GTF3C1: variants seen among roughly 807,000 people sequenced by gnomAD.
GTF3C1 encodes general transcription factor 3C polypeptide 1.
In GTF3C1, 57 loss-of-function variants were observed where a neutral mutation model predicts 226.7. The observed-to-expected ratio is 0.25, with a 90% confidence interval of 0.20 to 0.31. The LOEUF (loss-of-function observed/expected upper bound fraction) is 0.31. Ranked by LOEUF, GTF3C1 falls within the 10% of genes least tolerant of loss-of-function variation. GTF3C1 has a pLI of 1.00. For missense variants in GTF3C1, 2,217 were observed against 2,776.1 expected (o/e 0.80, Z 4.53); for synonymous variants, 1,090 against 1,084.8 (o/e 1.00, Z -0.09).
At chr16:27,504,696 A>C (rs940715698) in intron 10 of GTF3C1, among the ~76,000 whole-genome samples, 2 of 151,936 alleles carry the variant, frequency 1.3e-5, no homozygotes, top group African/African-American at 4.8e-5. Context: ...CGGGAGGATC[A>C]CTTGAGCCCA....
At chr16:27,525,985 G>A (rs1567410301) in intron 6 of GTF3C1, among the ~76,000 whole-genome samples, 1 of 152,084 alleles carries the variant, frequency 6.6e-6, no homozygotes. Context: ...ATTCAGGGAG[G>A]CATTAAAATG....
chr16:27,539,750 T>C (rs576740699), intron 2 of GTF3C1, among the ~76,000 whole-genome samples: 1 of 152,352 alleles, frequency 6.6e-6, no homozygotes, highest in South Asian at 2.1e-4. Flanking sequence ...TTCTGCCCTC[T>C]TGAATACATT....
chr16:27,462,236 G>T lies in GTF3C1; in HGVS notation c.6117+58C>A. 8.0e-7 allele frequency: 1 copy of T among 1,245,544 alleles called. No individual in the cohort carries two copies. Among genetic ancestry groups the T allele is most frequent in the Non-Finnish European group, 1.1e-6 (1 of 888,210 alleles). 77.2% of individuals were successfully genotyped at this position (1,245,544 alleles called of 1,614,324 possible). A position where few individuals can be genotyped will look rare whatever the true frequency, so the allele number is the denominator to read the frequency against. On this transcript the variant is annotated intron_variant, in intron 36 of 36. Coordinates refer to ENST00000356183, the MANE Select transcript of GTF3C1 (RefSeq NM_001520.4). The surrounding 1 kb of genome is among the most constrained non-coding windows in gnomAD (Gnocchi z 4.5). ...GCCTGGGGCCTGAACATCACAGCCG[G>T]GCCACTGAGTGCACCCAGCCGCCTC... is the stretch of plus-strand genomic sequence containing the variant.
intron 33 of GTF3C1, 58 bp from the exon 34 acceptor site, chr16:27,464,894 G>C: frequency 1.5e-6 from 2 of 1,375,160 alleles, no homozygotes; most frequent in Non-Finnish European, 1.9e-6. Flanking sequence ...CCACGCTGGT[G>C]ACGGGGGACG....
At chr16:27,508,050 C>A (rs918590764) in intron 8 of GTF3C1, among the ~76,000 whole-genome samples, 1 of 152,264 alleles carries the variant, frequency 6.6e-6, no homozygotes, top group Non-Finnish European at 1.5e-5. Context: ...ACTCTTGTTG[C>A]CCAGGTTGGA....
intron 17 of GTF3C1, 72 bp downstream of exon 17, chr16:27,493,127 G>T: frequency 1.2e-6 from 1 of 800,134 alleles, no homozygotes; most frequent in Non-Finnish European, 2.2e-6. Flanking sequence ...CCTGGTGAAT[G>T]ATGGCTTAGA....
intron 4 of GTF3C1, among the ~76,000 whole-genome samples, chr16:27,535,432 A>T (rs2088986004): frequency 6.6e-6 from 1 of 152,070 alleles, no homozygotes; most frequent in Admixed American, 6.6e-5. Flanking sequence ...AAAATTAGCC[A>T]GGTGTGGTGG....
At chr16:27,515,726 C>T (rs1157569114) in intron 6 of GTF3C1, among the ~76,000 whole-genome samples, 1 of 152,198 alleles carries the variant, frequency 6.6e-6, no homozygotes, top group Admixed American at 6.5e-5. Flanking sequence ...TCTTTGTTTT[C>T]CGATCTGCAA....
chr16:27,462,453 C>A lies in GTF3C1; in HGVS notation c.5958G>T (p.Pro1986=). ...TCAGGTGGCCATCCACGACACGCCA[C>A]GGCCGGCCGATGAAGCAGACACTCT... ...DCESVCFIGR[P]WRVVDGHLNL... is the part of the protein sequence containing the mutation. Residue 1986 remains proline, a synonymous_variant, in exon 36 of 37, where the codon CCG becomes CCT. Coordinates refer to ENST00000356183, the MANE Select transcript of GTF3C1 (RefSeq NM_001520.4). The surrounding 1 kb of genome is among the most constrained non-coding windows in gnomAD (Gnocchi z 4.5). The A allele has an allele frequency of 6.2e-7, 1 of 1,613,654 alleles. No individual in the cohort carries two copies. Among genetic ancestry groups the A allele is most frequent in the Non-Finnish European group, 8.5e-7 (1 of 1,179,774 alleles).
At chr16:27,498,111 C>A (rs1567398868) in intron 13 of GTF3C1, among the ~76,000 whole-genome samples, 1 of 152,184 alleles carries the variant, frequency 6.6e-6, no homozygotes, top group Non-Finnish European at 1.5e-5. Flanking sequence ...CGCTAGAAGT[C>A]AGTAATTATA....
intron 20 of GTF3C1, among the ~76,000 whole-genome samples, 177 bp from the exon 21 acceptor site, chr16:27,489,355 G>T (rs2088197346): frequency 6.6e-6 from 1 of 152,216 alleles, no homozygotes; most frequent in Non-Finnish European, 1.5e-5. Flanking sequence ...TTTCACTTTT[G>T]CAAGATAAGT....
At position 27,495,580 on chromosome 16, in the gene GTF3C1, T is replaced by C. The variant is rs915483295; in HGVS notation, c.2351-88A>G. The C allele has an allele frequency of 2.4e-6, 3 of 1,241,150 alleles. No individual in the cohort carries two copies. The Admixed American group carries it at 6.4e-5, about 26-fold the overall frequency. 76.9% of individuals were successfully genotyped at this position (1,241,150 alleles called of 1,614,324 possible). A position where few individuals can be genotyped will look rare whatever the true frequency, so the allele number is the denominator to read the frequency against. On this transcript the variant is annotated intron_variant, in intron 14 of 36. Transcript: ENST00000356183. ...ATTAAAAAATGATTGAGTGCCACTATGTGCCAGGGGCCAGAAAGATGGCAA... is the reference window on the plus strand; with the variant it reads ...ATTAAAAAATGATTGAGTGCCACTACGTGCCAGGGGCCAGAAAGATGGCAA...
At chr16:27,464,858 G>A (rs755178488) in intron 33 of GTF3C1, 22 bp from the exon 34 acceptor site, 4 of 1,489,134 alleles carry the variant, frequency 2.7e-6, no homozygotes, top group African/African-American at 1.4e-5. Flanking sequence ...GGAGACACGC[G>A]GGGTCTGTGG....
intron 26 of GTF3C1, chr16:27,482,582 C>T (rs2088071513): frequency 4.4e-6 from 2 of 456,236 alleles, no homozygotes; most frequent in Non-Finnish European, 8.8e-6. Context: ...TCCTGCCACA[C>T]ACACTGTAGT....
chr16:27,476,377 G>A, intron 29 of GTF3C1, 74 bp downstream of exon 29: 1 of 909,792 alleles, frequency 1.1e-6, no homozygotes, highest in Non-Finnish European at 1.8e-6. Context: ...GAGAAGGGCA[G>A]GGGCCAGCAC....
chr16:27,544,472 G>T (rs951141235), intron 2 of GTF3C1, among the ~76,000 whole-genome samples: 5 of 151,850 alleles, frequency 3.3e-5, no homozygotes, highest in Admixed American at 3.3e-4. Flanking sequence ...GCTGGGGGAG[G>T]GGAGGAGGAG....
Position 27,464,490 on chromosome 16 carries a change from G to A in GTF3C1, c.5702C>T (p.Ala1901Val). The A allele has an allele frequency of 6.5e-7, 1 of 1,542,812 alleles. No homozygotes were observed. Among genetic ancestry groups the A allele is most frequent in the Non-Finnish European group, 8.7e-7 (1 of 1,148,780 alleles). The change falls in exon 34 of 37, where the codon GCT (alanine) becomes GTT (valine). Residue 1901 changes from alanine to valine, a missense_variant. Ala to Val is a moderately conservative substitution (Grantham distance 64). Around this residue, in one of 12 missense-constraint regions of GTF3C1, gnomAD observed 455 missense variants for 441.9 expected, o/e 1.03. Coordinates refer to ENST00000356183, the MANE Select transcript of GTF3C1 (RefSeq NM_001520.4). ...GGCCTGGGCTTCTGCCCCATCTTCAGCTCCGGGCCCAAGGCTGGGGGCCAA... is the reference window on the plus strand; with the variant it reads ...GGCCTGGGCTTCTGCCCCATCTTCAACTCCGGGCCCAAGGCTGGGGGCCAA... ...SNLAPSLGPG[A>V]EDGAEAQAPS...
In GTF3C1 at chr16:27,463,566, T is replaced by C; in HGVS notation, c.5899A>G (p.Asn1967Asp). The C allele has an allele frequency of 6.2e-7, 1 of 1,603,918 alleles. No individual in the cohort carries two copies. The highest frequency in any genetic ancestry group is 2.2e-5 in the East Asian group (1 of 44,820). The change falls in exon 35 of 37, where the codon AAC becomes GAC. Residue 1967 changes from asparagine (N) to aspartate (D), a missense_variant. Around this residue, in one of 12 missense-constraint regions of GTF3C1, gnomAD observed 153 missense variants for 199.8 expected, o/e 0.77. Coordinates refer to ENST00000356183, the MANE Select transcript of GTF3C1 (RefSeq NM_001520.4). The surrounding 1 kb of genome is among the most constrained non-coding windows in gnomAD (Gnocchi z 4.9). Reference protein sequence around the residue: ...RGFTESFGAANISQAARERDC... With the variant: ...RGFTESFGAADISQAARERDC... ...CTTTCCCGTGCTGCCTGGGAGATGT[T>C]GGCAGCTCCGAAACTCTCTGTGAAC... is the stretch of plus-strand genomic sequence containing the variant.
chr16:27,471,543 C>T lies in GTF3C1; in HGVS notation c.4526+205G>A. ...CTGCAAAATGGTAACGCCGCCAACACAAAGAAGCTGCCAGCGCTCACCTGA... is the reference window on the plus strand; with the variant it reads ...CTGCAAAATGGTAACGCCGCCAACATAAAGAAGCTGCCAGCGCTCACCTGA... On this transcript the variant is annotated intron_variant, in intron 30 of 36. Coordinates refer to ENST00000356183, the MANE Select transcript of GTF3C1 (RefSeq NM_001520.4). This position sits in a 1 kb window ranked among gnomAD's most constrained non-coding sequence, Gnocchi z 5.0. 1.9e-6 allele frequency: 1 copy of T among 525,032 alleles called. No individual in the cohort carries two copies. The highest frequency in any genetic ancestry group is 3.4e-6 in the Non-Finnish European group (1 of 294,464). The allele number at this position is 525,032 out of a possible 1,614,324, so 32.5% of individuals were successfully genotyped here. A position where few individuals can be genotyped will look rare whatever the true frequency, so the allele number is the denominator to read the frequency against.
Sources: gnomAD v4.1 joint callset for allele counts (sites outside exome capture counted in the v4.1 genomes callset) on GRCh38, gnomAD v4.1.1 for gene constraint, gnomAD v4.1.1 regional missense constraint, Gnocchi (gnomAD v3.1) non-coding constraint, MANE v1.5 for transcripts, NCBI Gene and HGNC (gene_info 2026-07-23, HGNC 2026-07-21) for gene names.